RUFY3: variants seen among roughly 807,000 people sequenced by gnomAD.
RUFY3 encodes the protein RUN and FYVE domain containing 3, also known as protein RUFY3.
RUFY3 carries 34 observed loss-of-function variants against 84.0 expected under a neutral mutation model. The ratio of observed to expected loss-of-function variants is 0.40; its 90% CI spans 0.31 to 0.54. The LOEUF (loss-of-function observed/expected upper bound fraction) is 0.54, where lower values mean the gene tolerates loss of function less well. Ranked by LOEUF, RUFY3 falls within the 20% of genes least tolerant of loss-of-function variation. The pLI is 0.39. For missense variants in RUFY3, 507 were observed against 736.8 expected, an observed-to-expected ratio of 0.69 and a Z score of 3.61; for synonymous variants, 242 against 252.9, an observed-to-expected ratio of 0.96 and a Z score of 0.41.
chr4:70,728,445 T>C (rs1031484616), intron 1 of RUFY3, among the ~76,000 whole-genome samples: 3 of 152,220 alleles, frequency 2.0e-5, no homozygotes, highest in African/African-American at 4.8e-5. Context: ...TGAACACATA[T>C]CACTTTCTCA....
intron 1 of RUFY3, among the ~76,000 whole-genome samples, chr4:70,747,966 C>G (rs922454468): frequency 6.6e-6 from 1 of 152,162 alleles, no homozygotes; most frequent in Non-Finnish European, 1.5e-5. Flanking sequence ...CCCTTTATAG[C>G]ACACTCTTCC....
At chr4:70,783,048 A>G (rs759868603) in intron 8 of RUFY3, 43 bp from the exon 9 acceptor site, 15 of 1,227,948 alleles carry the variant, frequency 1.2e-5, no homozygotes, top group Non-Finnish European at 1.7e-5. Context: ...TACTATGTTA[A>G]TTTTAAAAAG....
At chr4:70,748,189 C>T (rs1012235718) in intron 1 of RUFY3, among the ~76,000 whole-genome samples, 10 of 152,148 alleles carry the variant, frequency 6.6e-5, no homozygotes, top group African/African-American at 2.4e-4. Context: ...ACAGTGGTTC[C>T]CATTGCTTCC....
intron 1 of RUFY3, among the ~76,000 whole-genome samples, chr4:70,713,616 C>A (rs1355133452): frequency 2.0e-5 from 3 of 152,158 alleles, no homozygotes; most frequent in African/African-American, 7.2e-5. Context: ...GAAAGGAGAG[C>A]CTGGCAGGCC....
At chr4:70,717,635 G>C (rs146202708), upstream of RUFY3, among the ~76,000 whole-genome samples, 919 of 152,052 alleles carry the variant, frequency 6.0e-3, 11 homozygotes, top group African/African-American at 0.019. Flanking sequence ...TATTTTCTCT[G>C]AATAAAATTT....
chr4:70,788,691 T>A lies in RUFY3; in HGVS notation c.1072-115T>A. The A allele has an allele frequency of 2.8e-6, 3 of 1,089,780 alleles. No individual in the cohort carries two copies. The South Asian group carries it at 6.5e-5, about 23-fold the overall frequency. 67.5% of individuals were successfully genotyped at this position (1,089,780 alleles called of 1,614,324 possible). On this transcript the variant is annotated intron_variant, in intron 10 of 17. Transcript: ENST00000381006. ...TGAAAATGAATGGTAGCTTAAGCTA[T>A]TTTGCCAGAATATTCAGACCTGAGA...
intron 12 of RUFY3, chr4:70,789,798 GC>G: frequency 8.4e-7 from 1 of 1,195,056 alleles, no homozygotes; most frequent in Non-Finnish European, 1.0e-6. Flanking sequence ...CACTTGACTA[GC>G]CTTTAAAAAA....
chr4:70,706,802 T>A (rs1022756444), intron 1 of RUFY3, among the ~76,000 whole-genome samples: 8 of 152,188 alleles, frequency 5.3e-5, no homozygotes, highest in Admixed American at 2.0e-4. Flanking sequence ...CAGAAGTGAG[T>A]CTTCCTATAC....
chr4:70,757,324 G>A (rs1724196658), intron 1 of RUFY3, among the ~76,000 whole-genome samples: 1 of 151,828 alleles, frequency 6.6e-6, no homozygotes, highest in Non-Finnish European at 1.5e-5. Flanking sequence ...TTTGTTCTGG[G>A]CCGGGCGCGG....
chr4:70,741,435 G>A (rs16845408), intron 1 of RUFY3, among the ~76,000 whole-genome samples: 20,937 of 151,984 alleles, frequency 0.14, 3,348 homozygotes, highest in African/African-American at 0.39. Context: ...TTTAATAACC[G>A]TAGTTGCTAT....
chr4:70,775,928 G>A (rs1415200243), intron 7 of RUFY3, among the ~76,000 whole-genome samples: 4 of 101,650 alleles, frequency 3.9e-5, no homozygotes, highest in Non-Finnish European at 6.7e-5. Flanking sequence ...GTTACAGAGC[G>A]AGACACTGTC....
chr4:70,730,174 C>T (rs1274088689), intron 1 of RUFY3, among the ~76,000 whole-genome samples: 4 of 151,866 alleles, frequency 2.6e-5, no homozygotes, highest in South Asian at 2.1e-4. Flanking sequence ...GAACCTGCCT[C>T]GGCCTCCCAA....
intron 11 of RUFY3, among the ~76,000 whole-genome samples, 179 bp downstream of exon 11, chr4:70,789,152 G>C (rs1174367990): frequency 6.6e-6 from 1 of 152,154 alleles, no homozygotes; most frequent in African/African-American, 2.4e-5. Flanking sequence ...CTGTATTGCT[G>C]TTCTAGAAAA....
At chr4:70,724,898 A>T (rs941116039) in intron 1 of RUFY3, among the ~76,000 whole-genome samples, 2 of 152,206 alleles carry the variant, frequency 1.3e-5, no homozygotes, top group Admixed American at 1.3e-4. Flanking sequence ...ATAAGCATTT[A>T]AGTGGTGGTC....
intron 14 of RUFY3, among the ~76,000 whole-genome samples, chr4:70,796,136 T>C (rs563830107): frequency 1.2e-4 from 19 of 152,118 alleles, no homozygotes; most frequent in Non-Finnish European, 1.8e-4. Context: ...GAGGTAGAGG[T>C]TGCAGTGAGC....
intron 1 of RUFY3, among the ~76,000 whole-genome samples, chr4:70,729,263 T>G (rs1718807115): frequency 6.6e-6 from 1 of 152,090 alleles, no homozygotes; most frequent in Admixed American, 6.5e-5. Flanking sequence ...TTGAGTTTTT[T>G]TGTTTTTTTT....
rs1732974882 is a variant in RUFY3, at chr4:70,807,689, A to AG, written c.*1035dup. ...TTTTTTTTTTTTTTTTTGGCCGGGG[A>AG]GGGGGTCTCATTGGTTGCTCAGCCT... is the stretch of plus-strand genomic sequence containing the variant. On this transcript the variant is annotated 3_prime_UTR_variant, in exon 18 of 18. Coordinates refer to ENST00000381006, the MANE Select transcript of RUFY3 (RefSeq NM_001037442.4). Among the ~76,000 whole-genome samples, 1 of 90,742 alleles carries AG rather than the reference A, an allele frequency of 1.1e-5. No individual in the cohort carries two copies. The highest frequency in any genetic ancestry group is 4.1e-4 in the South Asian group (1 of 2,442). The allele number at this position is 90,742 out of a possible 152,430, so 59.5% of individuals were successfully genotyped here. A position where few individuals can be genotyped will look rare whatever the true frequency, so the allele number is the denominator to read the frequency against.
chr4:70,730,003 T>C (rs6446755), intron 1 of RUFY3, among the ~76,000 whole-genome samples: 18,194 of 150,490 alleles, frequency 0.12, 2,491 homozygotes, highest in African/African-American at 0.34. Flanking sequence ...GGCGCAATCT[T>C]GGTTCACTAC....
chr4:70,761,547 T>A (rs551305512), intron 1 of RUFY3, among the ~76,000 whole-genome samples: 1 of 152,274 alleles, frequency 6.6e-6, no homozygotes, highest in South Asian at 2.1e-4. Context: ...GTAAAATTGT[T>A]GTATTGGTGA....
Sources: gnomAD v4.1 joint callset for allele counts (sites outside exome capture counted in the v4.1 genomes callset) on GRCh38, gnomAD v4.1.1 for gene constraint, MANE v1.5 for transcripts, NCBI Gene and HGNC (gene_info 2026-07-23, HGNC 2026-07-21) for gene names.